IREB2: variants seen among roughly 807,000 people sequenced by gnomAD.
IREB2 encodes iron responsive element binding protein 2, also known as iron-responsive element-binding protein 2.
A neutral mutation model predicts 118.8 loss-of-function variants in IREB2; 39 were observed. That is an observed-to-expected ratio of 0.33 (90% CI 0.25 to 0.43). The LOEUF is 0.43. Ranked by LOEUF, IREB2 falls within the 20% of genes least tolerant of loss-of-function variation. The probability of loss-of-function intolerance (pLI) is 1.00; values close to 1 mark genes in which losing one functional copy is unlikely to be tolerated. For missense variants in IREB2, 900 were observed against 1,147.3 expected (o/e 0.78, Z 3.11); for synonymous variants, 372 against 392.2 (o/e 0.95, Z 0.61).
intron 2 of IREB2, among the ~76,000 whole-genome samples, chr15:78,444,325 G>A (rs969397993): frequency 1.3e-5 from 2 of 152,154 alleles, no homozygotes; most frequent in African/African-American, 4.8e-5. Flanking sequence ...CAGCATAATG[G>A]AAACATGAAT....
At chr15:78,440,812 G>T (rs1158402215) in intron 2 of IREB2, among the ~76,000 whole-genome samples, 1 of 152,118 alleles carries the variant, frequency 6.6e-6, no homozygotes, top group East Asian at 1.9e-4. Context: ...AGTTTTGGCA[G>T]ACATTCTCAT....
chr15:78,448,010 T>C (rs1245683806), intron 2 of IREB2, among the ~76,000 whole-genome samples: 1 of 152,210 alleles, frequency 6.6e-6, no homozygotes, highest in Non-Finnish European at 1.5e-5. Flanking sequence ...AGAAGGAACT[T>C]TTTAGAAAGA....
At chr15:78,453,307 A>AAT (rs1365350548) in intron 2 of IREB2, among the ~76,000 whole-genome samples, 1 of 152,138 alleles carries the variant, frequency 6.6e-6, no homozygotes, top group African/African-American at 2.4e-5. Context: ...AGCTCTTTTG[A>AAT]ATATTGCTAC....
rs2051606837 is a variant in IREB2 at position 78,483,298 on chromosome 15, T to C, written c.1297-20T>C. The C allele has an allele frequency of 8.8e-7, 1 of 1,138,558 alleles. No homozygotes were observed. The highest frequency in any genetic ancestry group is 1.3e-6 in the Non-Finnish European group (1 of 751,950). 70.5% of individuals were successfully genotyped at this position (1,138,558 alleles called of 1,614,324 possible). A position where few individuals can be genotyped will look rare whatever the true frequency, so the allele number is the denominator to read the frequency against. On this transcript the variant is annotated intron_variant, in intron 10 of 21. Transcript: ENST00000258886. ...GGAATTAATTCTAATTCCTTGTTCT[T>C]TCTCTTTCTCATTTCTTAGGTGATC...
Position 78,466,260 on chromosome 15 carries a change from T to C in IREB2, c.411-11T>C. The C allele has an allele frequency of 6.3e-7, 1 of 1,577,792 alleles. No homozygotes were observed. The highest frequency in any genetic ancestry group is 8.6e-7 in the Non-Finnish European group (1 of 1,156,840). On this transcript the variant is annotated splice_polypyrimidine_tract_variant and intron_variant, in intron 4 of 21. Transcript: ENST00000258886. ...AAATGGCTTTATTTTGTTTTCTTTT[T>C]GGAATGACAGTGCAATACAGAATGC...
intron 6 of IREB2, 152 bp from the exon 7 acceptor site, chr15:78,471,589 T>C: frequency 2.3e-6 from 1 of 440,574 alleles, no homozygotes; most frequent in Non-Finnish European, 3.9e-6. Context: ...AGGTTCAGTA[T>C]CTGTATATTT....
At chr15:78,473,196 G>C (rs374626987) in intron 7 of IREB2, 46 bp from the exon 8 acceptor site, 3 of 1,563,470 alleles carry the variant, frequency 1.9e-6, no homozygotes, top group Non-Finnish European at 2.6e-6. Context: ...AGAGATAAAT[G>C]ATCTTTAAAT....
intron 2 of IREB2, among the ~76,000 whole-genome samples, chr15:78,446,062 G>A (rs576649318): frequency 8.5e-5 from 13 of 152,286 alleles, no homozygotes; most frequent in African/African-American, 3.1e-4. Context: ...GGGGTTACAG[G>A]TGTGATCCAT....
At position 78,471,852 on chromosome 15, in the gene IREB2, C is replaced by T. The variant is rs267604332; in HGVS notation, c.811C>T (p.Leu271Phe). The T allele has an allele frequency of 1.9e-6, 3 of 1,613,658 alleles. No individual in the cohort carries two copies. The highest frequency in any genetic ancestry group is 1.7e-5 in the Admixed American group (1 of 59,980). The change falls in exon 7 of 22, where the codon CTC becomes TTC. Residue 271 changes from leucine to phenylalanine, a missense_variant. Coordinates refer to ENST00000258886, the MANE Select transcript of IREB2 (RefSeq NM_004136.4). Reference protein sequence around the residue: ...SRVVFEEKDLLFPDSVVGTDS... With the variant: ...SRVVFEEKDLFFPDSVVGTDS... ...AGTGGTTTTTGAAGAAAAAGACCTC[C>T]TCTTCCCAGACAGTGTAGTCGGCAC...
intron 2 of IREB2, among the ~76,000 whole-genome samples, chr15:78,444,589 A>G (rs1175609471): frequency 1.3e-5 from 2 of 152,166 alleles, no homozygotes; most frequent in South Asian, 2.1e-4. Flanking sequence ...AGCCTTTGGA[A>G]GAAAATCCTG....
rs978347952 is a variant in IREB2, at chr15:78,498,254, T to G, written c.*111T>G. On this transcript the variant is annotated 3_prime_UTR_variant, in exon 22 of 22. Coordinates refer to ENST00000258886, the MANE Select transcript of IREB2 (RefSeq NM_004136.4). Reference sequence around the variant, plus strand: ...GATAGTCCCAGTATACTCACTTATCTCATCCATGGATGTAAATGATGATGA... The same window carrying G: ...GATAGTCCCAGTATACTCACTTATCGCATCCATGGATGTAAATGATGATGA... 2 of 596,996 alleles carry G rather than the reference T, an allele frequency of 3.4e-6. No homozygotes were observed. Among genetic ancestry groups the G allele is most frequent in the African/African-American group, 3.8e-5 (2 of 52,826 alleles). 37.0% of individuals were successfully genotyped at this position (596,996 alleles called of 1,614,324 possible).
chr15:78,496,204 A>T (rs914490372), intron 20 of IREB2, among the ~76,000 whole-genome samples: 1 of 152,176 alleles, frequency 6.6e-6, no homozygotes, highest in African/African-American at 2.4e-5. Context: ...CTAAATATTC[A>T]TAGAATTCTC....
chr15:78,459,046 C>A (rs1026406033), intron 2 of IREB2, among the ~76,000 whole-genome samples: 1 of 152,052 alleles, frequency 6.6e-6, no homozygotes, highest in Non-Finnish European at 1.5e-5. Context: ...AGCAGTCCCC[C>A]CTCCCAAAGT....
intron 8 of IREB2, chr15:78,475,765 T>G (rs117181913): frequency 0.019 from 2,939 of 152,800 alleles, 69 homozygotes; most frequent in Non-Finnish European, 0.024. Context: ...GGTGGGAGGA[T>G]TGCTAGAGCC....
chr15:78,496,005 A>G (rs969415850), intron 20 of IREB2, among the ~76,000 whole-genome samples: 3 of 152,194 alleles, frequency 2.0e-5, no homozygotes, highest in African/African-American at 7.2e-5. Context: ...GCTGGATCTT[A>G]CTGCTTTGTA....
At chr15:78,494,296 T>C (rs769755177) in intron 20 of IREB2, 32 bp downstream of exon 20, 55 of 1,598,148 alleles carry the variant, frequency 3.4e-5, no homozygotes, top group Non-Finnish European at 4.7e-5. Flanking sequence ...CATCTTAAGC[T>C]TCAAAGAGTT....
intron 3 of IREB2, among the ~76,000 whole-genome samples, chr15:78,464,227 C>T (rs1467928231): frequency 6.6e-6 from 1 of 152,170 alleles, no homozygotes; most frequent in Non-Finnish European, 1.5e-5. Context: ...GTCGTATTAT[C>T]CCTCCATATA....
chr15:78,497,998 A>C (rs747119255), intron 21 of IREB2, 35 bp from the exon 22 acceptor site: 2 of 1,212,824 alleles, frequency 1.6e-6, no homozygotes, highest in Non-Finnish European at 2.4e-6. Context: ...TGGAAGATTT[A>C]CTTGCTCACA....
chr15:78,480,996 G>A (rs1385438921), intron 10 of IREB2, among the ~76,000 whole-genome samples: 11 of 150,962 alleles, frequency 7.3e-5, no homozygotes, highest in Admixed American at 2.0e-4. Context: ...GCAACAGAGC[G>A]AGACTCTGTC....
Sources: allele counts gnomAD v4.1 joint callset (sites outside exome capture counted in the v4.1 genomes callset), GRCh38; gene constraint gnomAD v4.1.1; transcripts MANE v1.5; gene names NCBI Gene and HGNC (gene_info 2026-07-23, HGNC 2026-07-21).